The following IARS1 variants were observed in gnomAD, a reference collection of about 807,000 sequenced individuals.
The protein encoded by IARS1 is isoleucyl-tRNA synthetase 1, also known as isoleucine--tRNA ligase, cytoplasmic.
In IARS1, 124 loss-of-function variants were observed where a neutral mutation model predicts 168.2. The ratio of observed to expected loss-of-function variants is 0.74; its 90% CI spans 0.64 to 0.86. The LOEUF is 0.86. IARS1 is among the 40% of genes least tolerant of loss of function. The pLI, the probability that IARS1 is intolerant of heterozygous loss-of-function variation, is 0.00. For synonymous variants in IARS1, 532 were observed against 529.4 expected (o/e 1.00, Z -0.07); for missense variants, 1,452 against 1,515.8 (o/e 0.96, Z 0.70).
intron 28 of IARS1, 70 bp from the exon 29 acceptor site, chr9:92,242,400 T>C: frequency 8.1e-7 from 1 of 1,238,782 alleles, no homozygotes; most frequent in Non-Finnish European, 1.1e-6. Flanking sequence ...GAAGGTACTG[T>C]TGAACAAGGG....
chr9:92,251,426 AT>A (rs1829997469), intron 22 of IARS1, among the ~76,000 whole-genome samples: 1 of 152,206 alleles, frequency 6.6e-6, no homozygotes, highest in African/African-American at 2.4e-5. Flanking sequence ...AAGTTAAAGT[AT>A]TTTTTGTGAT....
rs1158038075 is a variant in IARS1, at chr9:92,288,155, A to T, written c.247T>A (p.Phe83Ile). 1 of 1,613,918 alleles carries T rather than the reference A, an allele frequency of 6.2e-7. No individual in the cohort carries two copies. The highest frequency in any genetic ancestry group is 2.2e-5 in the East Asian group (1 of 44,868). Reference sequence around the variant, plus strand: ...GGTAAGCCATGGCAATCCCATCCAAATCTTCTGTCAACATGAAACCCACTC... The same window carrying T: ...GGTAAGCCATGGCAATCCCATCCAATTCTTCTGTCAACATGAAACCCACTC... ...HQSGFHVDRR[F>I]GWDCHGLPVE... Residue 83 changes from phenylalanine to isoleucine, a missense_variant, in exon 3 of 34, where the codon TTT becomes ATT. Transcript: ENST00000443024.
chr9:92,243,534 G>A (rs1828752695), intron 27 of IARS1: 1 of 419,914 alleles, frequency 2.4e-6, no homozygotes, highest in South Asian at 2.5e-5. Context: ...TTTGTTTCTT[G>A]TTTTTTTGTA....
intron 30 of IARS1, among the ~76,000 whole-genome samples, chr9:92,233,668 C>T (rs1034617372): frequency 5.3e-5 from 8 of 152,214 alleles, no homozygotes; most frequent in African/African-American, 1.9e-4. Context: ...CTAATCCATA[C>T]ACGTCTCTCC....
chr9:92,272,881 A>C, intron 10 of IARS1, among the ~76,000 whole-genome samples: 1 of 151,596 alleles, frequency 6.6e-6, no homozygotes, highest in East Asian at 1.9e-4. Context: ...AAAAAAAAAA[A>C]AAAAAATTTA....
At chr9:92,227,424 CG>C (rs1825888270) in intron 31 of IARS1, among the ~76,000 whole-genome samples, 1 of 143,476 alleles carries the variant, frequency 7.0e-6, no homozygotes. Context: ...GGCGGCTGGC[CG>C]GGCGGGGGGC....
chr9:92,241,175 A>G (rs774168823), intron 29 of IARS1, among the ~76,000 whole-genome samples: 16 of 152,216 alleles, frequency 1.1e-4, no homozygotes, highest in Non-Finnish European at 1.8e-4. Flanking sequence ...GCTCACTTAA[A>G]AAAAGTCAAA....
intron 12 of IARS1, 131 bp from the exon 13 acceptor site, chr9:92,270,114 T>C (rs1368346722): frequency 1.8e-6 from 1 of 568,010 alleles, no homozygotes; most frequent in Non-Finnish European, 3.2e-6. Context: ...ATTTTTATTA[T>C]AGATAAAAAC....
chr9:92,270,040 G>T (rs1832799924), intron 12 of IARS1, 57 bp from the exon 13 acceptor site: 3 of 1,066,516 alleles, frequency 2.8e-6, no homozygotes, highest in Admixed American at 1.7e-5. Flanking sequence ...AGGCACTACG[G>T]TAAGACTGAC....
chr9:92,243,239 G>A lies in IARS1; in HGVS notation c.2977C>T (p.Arg993Cys), dbSNP rs773580249. Residue 993 changes from arginine to cysteine, a missense_variant, in exon 28 of 34, where the codon CGC becomes TGC. Physicochemically the swap from Arg to Cys is radical, Grantham distance 180. Transcript: ENST00000443024. ...DEGMAREVIN[R>C]IQKLRKKCNL... is the part of the protein sequence containing the mutation. ...ACCTTTTTGCGAAGTTTCTGTATGC[G>A]ATTGATGACTTCCCGAGCCATTCCT... The A allele has an allele frequency of 9.9e-6, 16 of 1,613,198 alleles. No homozygotes were observed. The highest frequency in any genetic ancestry group is 4.5e-5 in the East Asian group (2 of 44,876).
rs1390023564 is a variant in IARS1, at chr9:92,260,207, T to C, written c.1815A>G (p.Lys605=). 5.6e-6 allele frequency: 9 copies of C among 1,614,022 alleles called. No homozygotes were observed. Among genetic ancestry groups the C allele is most frequent in the Non-Finnish European group, 6.8e-6 (8 of 1,179,962 alleles). The change falls in exon 18 of 34, where the codon AAA becomes AAG. Residue 605 remains lysine (K), a synonymous_variant. Transcript: ENST00000443024. ...TGGAAACTGGATCTGGATAATTCTTTTTCCGTTTGCTCATTTTTTGGCCAT... is the reference window on the plus strand; with the variant it reads ...TGGAAACTGGATCTGGATAATTCTTCTTCCGTTTGCTCATTTTTTGGCCAT... ...ASDGQKMSKR[K]KNYPDPVSII...
chr9:92,240,618 T>G, intron 30 of IARS1: 1 of 708,646 alleles, frequency 1.4e-6, no homozygotes, highest in Non-Finnish European at 2.6e-6. Context: ...AGTCTTGAAC[T>G]CTTGGCCTCA....
chr9:92,267,103 A>G (rs72750445), intron 14 of IARS1, among the ~76,000 whole-genome samples: 4,653 of 152,194 alleles, frequency 0.031, 111 homozygotes, highest in South Asian at 0.079. Context: ...GACCCGATTA[A>G]AGCAATCAGA....
intron 30 of IARS1, among the ~76,000 whole-genome samples, chr9:92,236,686 A>G (rs1260045773): frequency 2.6e-5 from 4 of 152,146 alleles, no homozygotes; most frequent in Non-Finnish European, 5.9e-5. Flanking sequence ...CGTCTCTACA[A>G]AAAAATACAA....
At chr9:92,272,887 AT>A (rs1833281996) in intron 10 of IARS1, among the ~76,000 whole-genome samples, 1 of 148,650 alleles carries the variant, frequency 6.7e-6, no homozygotes, top group East Asian at 1.9e-4. Context: ...AAAAAAAAAA[AT>A]TTACCAAATG....
intron 21 of IARS1, 82 bp downstream of exon 21, chr9:92,253,280 C>T: frequency 1.2e-6 from 1 of 839,338 alleles, no homozygotes; most frequent in African/African-American, 1.7e-5. Flanking sequence ...AAATGTTCCT[C>T]TCCCTTCTGG....
At chr9:92,254,384 T>C (rs1830435523) in intron 20 of IARS1, among the ~76,000 whole-genome samples, 1 of 152,204 alleles carries the variant, frequency 6.6e-6, no homozygotes, top group Admixed American at 6.5e-5. Flanking sequence ...AGACCGATAC[T>C]TAGAAACAAA....
At chr9:92,215,100 G>A (rs1838425422) in intron 33 of IARS1, among the ~76,000 whole-genome samples, 2 of 152,206 alleles carry the variant, frequency 1.3e-5, no homozygotes, top group South Asian at 4.1e-4. Context: ...GCCTCCTCAA[G>A]TGGGTCCCTG....
At chr9:92,211,211 C>T (rs972247854) in intron 33 of IARS1, among the ~76,000 whole-genome samples, 15 of 152,160 alleles carry the variant, frequency 9.9e-5, no homozygotes, top group African/African-American at 3.6e-4. Context: ...TTGAGAAAGA[C>T]AGCAATCATG....
Sources: gnomAD v4.1 joint callset for allele counts (sites outside exome capture counted in the v4.1 genomes callset) on GRCh38, gnomAD v4.1.1 for gene constraint, MANE v1.5 for transcripts, NCBI Gene and HGNC (gene_info 2026-07-23, HGNC 2026-07-21) for gene names.